Variants in MTHFD1L observed in about 807,000 individuals in gnomAD.
MTHFD1L encodes methylenetetrahydrofolate dehydrogenase (NADP+ dependent) 1 like.
Under a neutral mutation model 119.5 loss-of-function variants are expected in MTHFD1L, and 81 were observed. That is an observed-to-expected ratio of 0.68 (90% confidence interval 0.57 to 0.82). The LOEUF (loss-of-function observed/expected upper bound fraction) is 0.82. Among genes scored for constraint, MTHFD1L ranks in the 40% least tolerant of loss-of-function variants. The pLI is 0.00. For missense variants in MTHFD1L, 1,125 were observed against 1,253.4 expected, an observed-to-expected ratio of 0.90 and a Z score of 1.55; for synonymous variants, 430 against 475.2, an observed-to-expected ratio of 0.90 and a Z score of 1.24.
intron 7 of MTHFD1L, among the ~76,000 whole-genome samples, chr6:150,891,860 A>G (rs983122164): frequency 6.6e-6 from 1 of 152,214 alleles, no homozygotes; most frequent in Non-Finnish European, 1.5e-5. Flanking sequence ...ATTAAGTACA[A>G]TCAGTAACTA....
intron 20 of MTHFD1L, among the ~76,000 whole-genome samples, chr6:151,005,789 A>G (rs1328283079): frequency 2.6e-5 from 4 of 152,162 alleles, no homozygotes; most frequent in African/African-American, 9.7e-5. Context: ...ATAAATGAAT[A>G]AGTAAATTAA....
intron 20 of MTHFD1L, among the ~76,000 whole-genome samples, chr6:150,994,064 T>TAAAAAAAAAAAAAAAAAAA (rs746589557): frequency 1.3e-5 from 1 of 74,274 alleles, no homozygotes; most frequent in African/African-American, 7.6e-5. Flanking sequence ...ACAACAACAG[T>TAAAAAAAAAAAAAAAAAAA]AAAAAAAAAA....
intron 18 of MTHFD1L, among the ~76,000 whole-genome samples, chr6:150,964,211 T>C (rs1796867569): frequency 6.6e-6 from 1 of 152,176 alleles, no homozygotes; most frequent in Non-Finnish European, 1.5e-5. Context: ...TAACAAACTT[T>C]AGCCTTGTGG....
chr6:151,043,690 A>C (rs1221658155), intron 26 of MTHFD1L, among the ~76,000 whole-genome samples: 1 of 152,172 alleles, frequency 6.6e-6, no homozygotes, highest in Non-Finnish European at 1.5e-5. Flanking sequence ...GACTTGAAGA[A>C]CTTAGAATAC....
intron 5 of MTHFD1L, among the ~76,000 whole-genome samples, chr6:150,885,028 T>G (rs1474801990): frequency 6.6e-6 from 1 of 152,142 alleles, no homozygotes; most frequent in Non-Finnish European, 1.5e-5. Flanking sequence ...TCCCTGGAGT[T>G]GCGAAGTGAA....
chr6:150,928,880 GCC>G (rs1790517863), intron 11 of MTHFD1L, among the ~76,000 whole-genome samples: 1 of 152,094 alleles, frequency 6.6e-6, no homozygotes, highest in Non-Finnish European at 1.5e-5. Flanking sequence ...GACAGCCAGG[GCC>G]TCTCTGAATC....
At chr6:150,931,268 CTTTTTTT>C (rs370763551) in intron 11 of MTHFD1L, among the ~76,000 whole-genome samples, 28,253 of 123,688 alleles carry the variant, frequency 0.23, 2,969 homozygotes, top group African/African-American at 0.29. Flanking sequence ...ATCATTTCAT[CTTTTTTT>C]TTTTTTTTTT....
intron 26 of MTHFD1L, among the ~76,000 whole-genome samples, chr6:151,047,838 G>A (rs915662812): frequency 6.6e-6 from 1 of 152,182 alleles, no homozygotes; most frequent in African/African-American, 2.4e-5. Flanking sequence ...AACTACCTGA[G>A]ACTGGATAGT....
chr6:150,945,671 A>G (rs983607842), intron 15 of MTHFD1L, 130 bp downstream of exon 15: 6 of 788,274 alleles, frequency 7.6e-6, no homozygotes, highest in African/African-American at 3.5e-5. Flanking sequence ...ATTAAACTCT[A>G]TAGAGACCGA....
intron 18 of MTHFD1L, among the ~76,000 whole-genome samples, chr6:150,961,564 C>G (rs1451725334): frequency 2.0e-5 from 3 of 152,214 alleles, no homozygotes; most frequent in Non-Finnish European, 2.9e-5. Flanking sequence ...AAAATGCACA[C>G]TGGTGATTGG....
intron 19 of MTHFD1L, among the ~76,000 whole-genome samples, chr6:150,970,504 A>T (rs1461688082): frequency 6.6e-6 from 1 of 152,176 alleles, no homozygotes; most frequent in Non-Finnish European, 1.5e-5. Context: ...CCATTTATGC[A>T]TTTATTTGTT....
At chr6:150,870,836 G>A (rs368731641) in intron 1 of MTHFD1L, among the ~76,000 whole-genome samples, 25 of 151,410 alleles carry the variant, frequency 1.7e-4, no homozygotes, top group African/African-American at 4.6e-4. Flanking sequence ...GCTTTAACCC[G>A]GGAGGTGGAG....
intron 26 of MTHFD1L, among the ~76,000 whole-genome samples, chr6:151,079,078 CA>C (rs1315789964): frequency 6.6e-6 from 1 of 152,072 alleles, no homozygotes; most frequent in Non-Finnish European, 1.5e-5. Context: ...AGCGCCCTAG[CA>C]AGATGAGCAA....
chr6:150,877,651 G>A lies in MTHFD1L; in HGVS notation c.330G>A (p.Leu110=). 6.2e-7 allele frequency: 1 copy of A among 1,614,170 alleles called. No homozygotes were observed. Among genetic ancestry groups the A allele is most frequent in the East Asian group, 2.2e-5 (1 of 44,886 alleles). ...LAIIQAGDDN[L]MQEINQNLAE... ...TTCCTAAGGCAGGTGACGACAACTT[G>A]ATGCAGGAAATCAACCAGAATTTGG... is the stretch of plus-strand genomic sequence containing the variant. The change falls in exon 3 of 28, where the codon TTG becomes TTA. Residue 110 remains leucine, a synonymous_variant. Transcript: ENST00000367321.
chr6:151,079,740 C>G (rs980839906), intron 26 of MTHFD1L, among the ~76,000 whole-genome samples: 1 of 151,722 alleles, frequency 6.6e-6, no homozygotes, highest in Non-Finnish European at 1.5e-5. Flanking sequence ...CTGCCCACCT[C>G]GGCCTCCCAA....
In MTHFD1L at chr6:151,039,919, T is replaced by C. The variant is rs543126793; in HGVS notation, c.2847+2802T>C. Among the ~76,000 whole-genome samples the C allele has an allele frequency of 2.1e-4, 25 of 117,112 alleles. No individual in the cohort carries two copies. Among genetic ancestry groups the C allele is most frequent in the South Asian group, 5.3e-4 (2 of 3,804 alleles). The allele number at this position is 117,112 out of a possible 152,430, so 76.8% of individuals were successfully genotyped here. A position where few individuals can be genotyped will look rare whatever the true frequency, so the allele number is the denominator to read the frequency against. On this transcript the variant is annotated intron_variant, in intron 26 of 27. Coordinates refer to ENST00000367321, the MANE Select transcript of MTHFD1L (RefSeq NM_015440.5). This position sits in a 1 kb window ranked among gnomAD's most constrained non-coding sequence, Gnocchi z 4.4. The stretch of plus-strand genomic sequence containing the variant: ...GACAGAGCAAGACTTCATCTCTAAA[T>C]ACATACATACATACATACATACATA...
At chr6:150,975,620 G>A (rs1001759999) in intron 20 of MTHFD1L, among the ~76,000 whole-genome samples, 6 of 152,126 alleles carry the variant, frequency 3.9e-5, no homozygotes. Context: ...ACTCAGACTT[G>A]AGCTCCTCTC....
intron 26 of MTHFD1L, among the ~76,000 whole-genome samples, chr6:151,049,219 C>T (rs573849375): frequency 6.6e-6 from 1 of 152,186 alleles, no homozygotes; most frequent in Non-Finnish European, 1.5e-5. Context: ...AGGCCGGGCA[C>T]AGTGGCTGAC....
rs528552630 is a variant in MTHFD1L at position 150,928,343 on chromosome 6, G to A, written c.1256+2048G>A. On this transcript the variant is annotated intron_variant, in intron 11 of 27. Transcript: ENST00000367321. The stretch of plus-strand genomic sequence containing the variant: ...CCCAGCTACTCAGGAGGCTGAGGCA[G>A]GAGAATGGCGTGAACCTGGGAGGCG... Among the ~76,000 whole-genome samples, 24 of 149,586 alleles carry A rather than the reference G, an allele frequency of 1.6e-4. No individual in the cohort carries two copies. In the East Asian group the frequency reaches 4.5e-3, roughly 28 times the overall value.
Sources: gnomAD v4.1 joint callset for allele counts (sites outside exome capture counted in the v4.1 genomes callset) on GRCh38, gnomAD v4.1.1 for gene constraint, Gnocchi (gnomAD v3.1) non-coding constraint, MANE v1.5 for transcripts, NCBI Gene and HGNC (gene_info 2026-07-23, HGNC 2026-07-21) for gene names.